SYT6: variants seen among roughly 807,000 people sequenced by gnomAD.
SYT6 encodes the protein synaptotagmin-6.
Under a neutral mutation model 38.4 loss-of-function variants are expected in SYT6, and 24 were observed. The ratio of observed to expected loss-of-function variants is 0.62; its 90% CI spans 0.45 to 0.88. The LOEUF (loss-of-function observed/expected upper bound fraction) is 0.88. Ranked by LOEUF, SYT6 falls within the 40% of genes least tolerant of loss-of-function variation. SYT6 has a pLI of 0.00. For missense variants in SYT6, 611 were observed against 621.0 expected, an observed-to-expected ratio of 0.98 and a Z score of 0.17; for synonymous variants, 265 against 241.9, an observed-to-expected ratio of 1.10 and a Z score of -0.89.
intron 3 of SYT6, among the ~76,000 whole-genome samples, chr1:114,122,902 C>A (rs1171077848): frequency 6.6e-6 from 1 of 152,194 alleles, no homozygotes; most frequent in Non-Finnish European, 1.5e-5. Flanking sequence ...TCACCTTGAG[C>A]CCTAATCCCC....
chr1:114,103,465 C>A, intron 4 of SYT6, 136 bp downstream of exon 4: 1 of 1,237,188 alleles, frequency 8.1e-7, no homozygotes, highest in Non-Finnish European at 1.1e-6. Flanking sequence ...AACTGGAATT[C>A]GAATCCAGGC....
At position 114,137,857 on chromosome 1, in the gene SYT6, G is replaced by A; in HGVS notation, c.709C>T (p.Leu237=). ...GTCTCGGTCTCGTAATCGTAGCGTA[G>A]GCTGAAGTTGATCTTCCCGCAGCTC... The part of the protein sequence containing the change: ...TKSCGKINFS[L]RYDYETETLI... The change falls in exon 3 of 8, where the codon CTA becomes TTA. Residue 237 remains leucine, a synonymous_variant. Transcript: ENST00000610222. 6.2e-7 allele frequency: 1 copy of A among 1,614,066 alleles called. No homozygotes were observed. Among genetic ancestry groups the A allele is most frequent in the Non-Finnish European group, 8.5e-7 (1 of 1,180,018 alleles).
chr1:114,114,288 C>T (rs1241671969), intron 3 of SYT6, among the ~76,000 whole-genome samples: 1 of 152,226 alleles, frequency 6.6e-6, no homozygotes, highest in African/African-American at 2.4e-5. Context: ...ACTTCACTCG[C>T]CTCACCCTAA....
chr1:114,153,140 G>A (rs72628777), intron 1 of SYT6, among the ~76,000 whole-genome samples: 26,227 of 152,076 alleles, frequency 0.17, 3,155 homozygotes, highest in East Asian at 0.51. Flanking sequence ...GTCCGCCCGC[G>A]TTCACCGCGA....
Position 114,134,878 on chromosome 1 carries a change from G to A in SYT6, c.1071+2617C>T, listed in dbSNP as rs576007805. 2.0e-4 allele frequency among the ~76,000 whole-genome samples: 30 copies of A among 152,326 alleles called. 1 individual carries two copies. Among genetic ancestry groups the A allele is most frequent in the Middle Eastern group, 3.4e-3 (1 of 294 alleles). ...TGGTATGGGAATTCATATATGCTTA[G>A]TGCTCTGTCATTCCTGGTGACTGTG... On this transcript the variant is annotated intron_variant, in intron 3 of 7. Transcript: ENST00000610222.
intron 3 of SYT6, among the ~76,000 whole-genome samples, chr1:114,135,766 G>A (rs1244006088): frequency 6.6e-6 from 1 of 152,190 alleles, no homozygotes; most frequent in Non-Finnish European, 1.5e-5. Flanking sequence ...CTCCTAGAAG[G>A]GCTGGGCTGA....
At chr1:114,110,577 G>C (rs1676617884) in intron 3 of SYT6, among the ~76,000 whole-genome samples, 1 of 152,214 alleles carries the variant, frequency 6.6e-6, no homozygotes, top group Non-Finnish European at 1.5e-5. Context: ...GGACTTGCAA[G>C]TGCTTGGATT....
chr1:114,100,836 A>C (rs1368806659), intron 4 of SYT6, among the ~76,000 whole-genome samples: 2 of 152,136 alleles, frequency 1.3e-5, no homozygotes, highest in African/African-American at 4.8e-5. Context: ...AGCTTGCAAA[A>C]TCCATAAGGA....
intron 6 of SYT6, 77 bp from the exon 7 acceptor site, chr1:114,093,880 A>G (rs1173384754): frequency 7.4e-7 from 1 of 1,360,454 alleles, no homozygotes; most frequent in Admixed American, 1.7e-5. Flanking sequence ...TTTCTTAACC[A>G]GAAGGTGACA....
At chr1:114,114,421 G>T (rs1004130594) in intron 3 of SYT6, among the ~76,000 whole-genome samples, 3 of 152,158 alleles carry the variant, frequency 2.0e-5, no homozygotes, top group African/African-American at 7.2e-5. Context: ...GGCTCACCTG[G>T]TTAAGGTGGC....
At chr1:114,133,748 G>C (rs1678308762) in intron 3 of SYT6, among the ~76,000 whole-genome samples, 1 of 152,214 alleles carries the variant, frequency 6.6e-6, no homozygotes, top group South Asian at 2.1e-4. Flanking sequence ...GTTTGCTCTG[G>C]CTCTCCAGCC....
chr1:114,144,266 G>C (rs974436174), intron 1 of SYT6, among the ~76,000 whole-genome samples: 1 of 152,184 alleles, frequency 6.6e-6, no homozygotes, highest in Non-Finnish European at 1.5e-5. Context: ...GCCCCTGAAA[G>C]CTTGTAAGTT....
intron 3 of SYT6, among the ~76,000 whole-genome samples, chr1:114,132,745 G>C (rs941330288): frequency 6.6e-6 from 1 of 152,208 alleles, no homozygotes; most frequent in African/African-American, 2.4e-5. Flanking sequence ...CCAGCAGGAA[G>C]GGCACCAGAG....
At chr1:114,101,809 T>A (rs1675984265) in intron 4 of SYT6, among the ~76,000 whole-genome samples, 1 of 152,188 alleles carries the variant, frequency 6.6e-6, no homozygotes, top group Non-Finnish European at 1.5e-5. Context: ...AATTCAACCA[T>A]CCATTCATTC....
chr1:114,097,884 G>A lies in SYT6; in HGVS notation c.1365-7C>T, dbSNP rs150349193. On this transcript the variant is annotated splice_region_variant and splice_polypyrimidine_tract_variant and intron_variant, in intron 5 of 7. Coordinates refer to ENST00000610222, the MANE Select transcript of SYT6 (RefSeq NM_001253772.2). ...GATCTCATTGTGGCCCACTCTGAGGGAGAAACAAAAGTCCCAGCACTGGCT... is the reference window on the plus strand; with the variant it reads ...GATCTCATTGTGGCCCACTCTGAGGAAGAAACAAAAGTCCCAGCACTGGCT... The A allele has an allele frequency of 3.7e-5, 59 of 1,613,806 alleles. No homozygotes were observed. In the African/African-American group the frequency reaches 6.5e-4, roughly 18 times the overall value.
intron 6 of SYT6, among the ~76,000 whole-genome samples, chr1:114,096,321 T>C (rs1419387782): frequency 6.6e-6 from 1 of 152,086 alleles, no homozygotes; most frequent in Non-Finnish European, 1.5e-5. Context: ...CTGGCCTCAC[T>C]CATTAAAGCT....
chr1:114,103,544 C>T, intron 4 of SYT6, 57 bp downstream of exon 4: 2 of 1,601,386 alleles, frequency 1.2e-6, no homozygotes, highest in Non-Finnish European at 1.7e-6. Flanking sequence ...TCCCCGAACA[C>T]CCTTCCAAAT....
At chr1:114,114,550 T>C (rs1271485936) in intron 3 of SYT6, among the ~76,000 whole-genome samples, 1 of 152,222 alleles carries the variant, frequency 6.6e-6, no homozygotes, top group Non-Finnish European at 1.5e-5. Flanking sequence ...TAGGTGTTCC[T>C]CAGCGGGTGG....
intron 1 of SYT6, among the ~76,000 whole-genome samples, chr1:114,141,693 T>G (rs1678875180): frequency 6.6e-6 from 1 of 152,244 alleles, no homozygotes; most frequent in Non-Finnish European, 1.5e-5. Flanking sequence ...CCTAGGGCTT[T>G]CATAGCTAGA....
Sources: allele counts gnomAD v4.1 joint callset (sites outside exome capture counted in the v4.1 genomes callset), GRCh38; gene constraint gnomAD v4.1.1; transcripts MANE v1.5; gene names NCBI Gene and HGNC (gene_info 2026-07-23, HGNC 2026-07-21).